The following GRIP1 variants were observed in gnomAD, a reference collection of about 807,000 sequenced individuals.
The protein encoded by GRIP1 is glutamate receptor interacting protein 1.
Under a neutral mutation model 129.9 loss-of-function variants are expected in GRIP1, and 45 were observed. The ratio of observed to expected loss-of-function variants is 0.35; its 90% CI spans 0.27 to 0.44. The LOEUF is 0.44. Ranked by LOEUF, GRIP1 falls within the 20% of genes least tolerant of loss-of-function variation. GRIP1 has a pLI of 1.00. For missense variants in GRIP1, 1,196 were observed against 1,396.8 expected, an observed-to-expected ratio of 0.86 and a Z score of 2.29; for synonymous variants, 530 against 520.8, an observed-to-expected ratio of 1.02 and a Z score of -0.24.
At chr12:66,786,426 G>A (rs1364150490) in intron 1 of GRIP1, among the ~76,000 whole-genome samples, 1 of 152,130 alleles carries the variant, frequency 6.6e-6, no homozygotes, top group African/African-American at 2.4e-5. Flanking sequence ...AGCAGGGCTG[G>A]GGACAGCTTC....
intron 1 of GRIP1, among the ~76,000 whole-genome samples, chr12:66,949,686 A>G (rs1386437925): frequency 6.6e-6 from 1 of 151,304 alleles, no homozygotes; most frequent in Admixed American, 6.6e-5. Flanking sequence ...GGGCCATGGC[A>G]TATCACTGAT....
chr12:66,881,123 T>G (rs2040471312), intron 1 of GRIP1, among the ~76,000 whole-genome samples: 7 of 152,092 alleles, frequency 4.6e-5, no homozygotes, highest in Admixed American at 4.6e-4. Context: ...ATGGACTATC[T>G]AATGAATGGT....
chr12:66,932,114 G>A (rs1326411014), intron 1 of GRIP1, among the ~76,000 whole-genome samples: 4 of 151,662 alleles, frequency 2.6e-5, no homozygotes, highest in Admixed American at 6.6e-5. Context: ...CTACAACCCA[G>A]CAATATTAAA....
At chr12:66,535,456 A>G (rs896483777) in intron 4 of GRIP1, among the ~76,000 whole-genome samples, 1 of 152,192 alleles carries the variant, frequency 6.6e-6, no homozygotes, top group African/African-American at 2.4e-5. Context: ...TAATGGTCTC[A>G]ATAATGATCA....
chr12:66,588,472 C>T (rs1454204471), intron 2 of GRIP1, among the ~76,000 whole-genome samples: 1 of 152,182 alleles, frequency 6.6e-6, no homozygotes, highest in Non-Finnish European at 1.5e-5. Context: ...TCACCTCACA[C>T]TTTCTTGATA....
At chr12:66,753,687 T>G (rs1412833975) in intron 1 of GRIP1, among the ~76,000 whole-genome samples, 1 of 152,240 alleles carries the variant, frequency 6.6e-6, no homozygotes, top group South Asian at 2.1e-4. Flanking sequence ...CCAGAGCATT[T>G]ATTATGTATA....
intron 23 of GRIP1, among the ~76,000 whole-genome samples, chr12:66,367,860 G>A (rs1399789110): frequency 1.3e-5 from 2 of 152,190 alleles, no homozygotes; most frequent in African/African-American, 2.4e-5. Flanking sequence ...CCCACACTGA[G>A]TTCCAAATCA....
chr12:66,454,116 C>T (rs140218019), intron 11 of GRIP1, among the ~76,000 whole-genome samples: 7 of 152,314 alleles, frequency 4.6e-5, no homozygotes, highest in African/African-American at 1.4e-4. Context: ...CTGTCTTATG[C>T]AATGGAGTTC....
At chr12:66,702,865 GA>G (rs901749188) in intron 1 of GRIP1, among the ~76,000 whole-genome samples, 1 of 152,116 alleles carries the variant, frequency 6.6e-6, no homozygotes, top group African/African-American at 2.4e-5. Context: ...GTAATCTTGG[GA>G]AATATTATTT....
intron 7 of GRIP1, among the ~76,000 whole-genome samples, chr12:66,481,225 TAC>T (rs2059794573): frequency 1.5e-5 from 1 of 66,062 alleles, no homozygotes; most frequent in African/African-American, 6.7e-5. Flanking sequence ...ATCTAGAATC[TAC>T]AAAAAAAAAA....
At chr12:67,009,839 C>A (rs1455981667) in intron 1 of GRIP1, among the ~76,000 whole-genome samples, 3 of 152,158 alleles carry the variant, frequency 2.0e-5, no homozygotes, top group Admixed American at 1.3e-4. Flanking sequence ...CATTTGGAGT[C>A]CACACTGAAG....
At chr12:67,048,118 C>A (rs1228173732) in intron 1 of GRIP1, among the ~76,000 whole-genome samples, 1 of 151,468 alleles carries the variant, frequency 6.6e-6, no homozygotes, top group Non-Finnish European at 1.5e-5. Flanking sequence ...CTGTTCTATT[C>A]CCTGCATGAG....
chr12:66,779,698 TAC>T (rs376970257), intron 1 of GRIP1, among the ~76,000 whole-genome samples: 436 of 152,336 alleles, frequency 2.9e-3, no homozygotes, highest in Non-Finnish European at 5.0e-3. Context: ...GTACTGGGAA[TAC>T]AGTGTTGAAC....
At chr12:67,042,617 A>G (rs1328834951) in intron 1 of GRIP1, among the ~76,000 whole-genome samples, 1 of 152,090 alleles carries the variant, frequency 6.6e-6, no homozygotes, top group East Asian at 1.9e-4. Flanking sequence ...TTTGAATTTA[A>G]ATATCTTTAC....
At chr12:66,754,036 T>G (rs1359713677) in intron 1 of GRIP1, among the ~76,000 whole-genome samples, 1 of 152,240 alleles carries the variant, frequency 6.6e-6, no homozygotes, top group Non-Finnish European at 1.5e-5. Context: ...CCTCTCCTTT[T>G]AACACTTAGC....
At chr12:66,509,218 A>G (rs2060623095) in intron 7 of GRIP1, among the ~76,000 whole-genome samples, 1 of 152,200 alleles carries the variant, frequency 6.6e-6, no homozygotes, top group Non-Finnish European at 1.5e-5. Flanking sequence ...ATTCAGCATA[A>G]TAGGAGACTT....
upstream of GRIP1, among the ~76,000 whole-genome samples, chr12:66,680,600 AG>A (rs1392833004): frequency 6.6e-6 from 1 of 151,996 alleles, no homozygotes; most frequent in Non-Finnish European, 1.5e-5. Flanking sequence ...CATCTCTATT[AG>A]GTTATCCCTA....
At chr12:66,847,486 G>A (rs1243691885) in intron 1 of GRIP1, among the ~76,000 whole-genome samples, 2 of 152,074 alleles carry the variant, frequency 1.3e-5, no homozygotes, top group African/African-American at 4.8e-5. Context: ...CCAGCTATAT[G>A]CTTTAATTTT....
intron 1 of GRIP1, among the ~76,000 whole-genome samples, chr12:66,906,553 AGTACAGCATCATT>A (rs2040936055): frequency 6.6e-6 from 1 of 152,196 alleles, no homozygotes. Context: ...GGATGTATGT[AGTACAGCATCATT>A]GCCACAGAAA....
Sources: gnomAD v4.1 joint callset for allele counts (sites outside exome capture counted in the v4.1 genomes callset) on GRCh38, gnomAD v4.1.1 for gene constraint, MANE v1.5 for transcripts, NCBI Gene and HGNC (gene_info 2026-07-23, HGNC 2026-07-21) for gene names.